The following RFX3 variants were observed in gnomAD, a reference collection of about 807,000 sequenced individuals.
RFX3 encodes regulatory factor X3, also known as transcription factor RFX3.
In RFX3, 14 loss-of-function variants were observed where a neutral mutation model predicts 98.6. The observed-to-expected ratio is 0.14, with a 90% confidence interval of 0.09 to 0.22. RFX3 has a LOEUF of 0.22. Ranked by LOEUF, RFX3 falls within the 10% of genes least tolerant of loss-of-function variation. RFX3 has a pLI of 1.00. For missense variants in RFX3, 639 were observed against 926.9 expected (o/e 0.69, Z 4.03); for synonymous variants, 383 against 328.4 (o/e 1.17, Z -1.80).
At chr9:3,276,086 C>T (rs573911695) in intron 8 of RFX3, among the ~76,000 whole-genome samples, 1 of 152,198 alleles carries the variant, frequency 6.6e-6, no homozygotes, top group South Asian at 2.1e-4. Context: ...AATTTAACAA[C>T]ATTAATTTGA....
rs866755737 is a variant in RFX3 at position 3,505,068 on chromosome 9, A to T, written c.-9+20679T>A. 8.3e-3 allele frequency among the ~76,000 whole-genome samples: 772 copies of T among 93,438 alleles called. 5 individuals carry two copies. The highest frequency in any genetic ancestry group is 0.029 in the Middle Eastern group (2 of 70). 61.3% of individuals were successfully genotyped at this position (93,438 alleles called of 152,430 possible). On this transcript the variant is annotated intron_variant, in intron 1 of 16. Transcript: ENST00000617270. ...TTATATTATATATAAAATATATAAT[A>T]AAATATAAAAATAAAATATTTTATA...
At chr9:3,404,603 C>G (rs1488252542) in intron 1 of RFX3, among the ~76,000 whole-genome samples, 1 of 151,944 alleles carries the variant, frequency 6.6e-6, no homozygotes, top group Non-Finnish European at 1.5e-5. Flanking sequence ...GTTGGTTATC[C>G]TAGGCTATCT....
At chr9:3,377,720 G>T (rs917802261) in intron 2 of RFX3, among the ~76,000 whole-genome samples, 1 of 152,098 alleles carries the variant, frequency 6.6e-6, no homozygotes, top group Admixed American at 6.6e-5. Flanking sequence ...GAGAGGAAAG[G>T]TACTAATAAC....
chr9:3,331,127 G>A (rs1226769487), intron 3 of RFX3, among the ~76,000 whole-genome samples: 1 of 152,074 alleles, frequency 6.6e-6, no homozygotes, highest in Non-Finnish European at 1.5e-5. Context: ...AACTCTTCAT[G>A]TCCTCACTTT....
At chr9:3,266,368 A>G (rs1252527012) in intron 11 of RFX3, 63 bp from the exon 12 acceptor site, 1 of 1,060,226 alleles carries the variant, frequency 9.4e-7, no homozygotes, top group Non-Finnish European at 1.4e-6. Flanking sequence ...TGTTTGTGCT[A>G]GAATAAAAGA....
chr9:3,287,613 G>A (rs182023789), intron 7 of RFX3, among the ~76,000 whole-genome samples: 7 of 151,900 alleles, frequency 4.6e-5, no homozygotes, highest in East Asian at 1.9e-4. Flanking sequence ...CCATCCATCC[G>A]TCCATACGTC....
chr9:3,291,478 A>T (rs965531275), intron 6 of RFX3, among the ~76,000 whole-genome samples: 1 of 152,098 alleles, frequency 6.6e-6, no homozygotes, highest in African/African-American at 2.4e-5. Flanking sequence ...ATTAGATCAT[A>T]CCCCTAGAAC....
intron 1 of RFX3, among the ~76,000 whole-genome samples, chr9:3,401,634 G>A (rs376238090): frequency 1.7e-4 from 26 of 152,318 alleles, no homozygotes; most frequent in African/African-American, 6.0e-4. Flanking sequence ...TAAATGAGTT[G>A]TATATTCTTA....
At chr9:3,413,764 T>C (rs16918156) in intron 1 of RFX3, among the ~76,000 whole-genome samples, 4,157 of 152,214 alleles carry the variant, frequency 0.027, 214 homozygotes, top group African/African-American at 0.095. Context: ...GCAGTTCTCT[T>C]GACAACTCTT....
At chr9:3,514,309 C>T (rs981014346) in intron 1 of RFX3, among the ~76,000 whole-genome samples, 3 of 152,136 alleles carry the variant, frequency 2.0e-5, no homozygotes, top group Non-Finnish European at 4.4e-5. Flanking sequence ...TCTACAACAC[C>T]AAGCAAAATG....
rs190113135 is a variant in RFX3, at chr9:3,486,678, C to T, written c.-9+39069G>A. On this transcript the variant is annotated intron_variant, in intron 1 of 16. Coordinates refer to ENST00000617270, the MANE Select transcript of RFX3 (RefSeq NM_001282116.2). ...TCACCAGCTTTTGAATATTAAACTCCGGATTCATGCTCATATCTAAAAGTA... is the reference window on the plus strand; with the variant it reads ...TCACCAGCTTTTGAATATTAAACTCTGGATTCATGCTCATATCTAAAAGTA... 4.2e-4 allele frequency among the ~76,000 whole-genome samples: 64 copies of T among 152,224 alleles called. No homozygotes were observed. The South Asian group carries it at 9.7e-3, about 23-fold the overall frequency.
intron 1 of RFX3, chr9:3,420,999 T>C (rs1181915133): frequency 1.5e-5 from 9 of 584,492 alleles, no homozygotes; most frequent in Non-Finnish European, 1.9e-5. Context: ...CTCTCAGAGA[T>C]AAATATTTCT....
chr9:3,470,753 G>A (rs1848707072), intron 1 of RFX3, among the ~76,000 whole-genome samples: 1 of 152,156 alleles, frequency 6.6e-6, no homozygotes, highest in African/African-American at 2.4e-5. Context: ...AATTGATGAT[G>A]CTGGTGAGAT....
At chr9:3,512,606 T>C (rs571370586) in intron 1 of RFX3, among the ~76,000 whole-genome samples, 2 of 152,040 alleles carry the variant, frequency 1.3e-5, no homozygotes, top group Admixed American at 1.3e-4. Context: ...CTTTTCTATA[T>C]ACAATGTCTA....
chr9:3,450,466 T>C (rs537563206), intron 1 of RFX3, among the ~76,000 whole-genome samples: 1 of 152,306 alleles, frequency 6.6e-6, no homozygotes, highest in South Asian at 2.1e-4. Flanking sequence ...ATTTGAAATG[T>C]TTAGTGATAC....
rs1304370289 is a variant in RFX3, at chr9:3,224,314, A to T, written c.*728T>A. 1.3e-5 allele frequency: 2 copies of T among 152,260 alleles called. No individual in the cohort carries two copies. Among genetic ancestry groups the T allele is most frequent in the Non-Finnish European group, 2.9e-5 (2 of 68,048 alleles). 9.4% of individuals were successfully genotyped at this position (152,260 alleles called of 1,614,324 possible). Reference sequence around the variant, plus strand: ...AGGAATTGGTATGCAAATAATAGTTAAAATTCAATGTTTAACGGAAGCTTG... The same window carrying T: ...AGGAATTGGTATGCAAATAATAGTTTAAATTCAATGTTTAACGGAAGCTTG... On this transcript the variant is annotated 3_prime_UTR_variant, in exon 17 of 17. Coordinates refer to ENST00000617270, the MANE Select transcript of RFX3 (RefSeq NM_001282116.2).
chr9:3,226,275 C>A (rs1817757550), intron 16 of RFX3, among the ~76,000 whole-genome samples: 1 of 152,136 alleles, frequency 6.6e-6, no homozygotes, highest in Non-Finnish European at 1.5e-5. Flanking sequence ...TCTTTGCAAG[C>A]AGTAAGATTT....
At chr9:3,507,368 T>C (rs1240930347) in intron 1 of RFX3, among the ~76,000 whole-genome samples, 2 of 151,912 alleles carry the variant, frequency 1.3e-5, no homozygotes, top group East Asian at 1.9e-4. Flanking sequence ...ATAATAGCAA[T>C]TGCCATTTAT....
chr9:3,476,025 CTT>C (rs1012690288), intron 1 of RFX3, among the ~76,000 whole-genome samples: 18 of 152,204 alleles, frequency 1.2e-4, no homozygotes, highest in African/African-American at 4.3e-4. Context: ...GGCTCACACT[CTT>C]GTCTTCTGGT....
Sources: gnomAD v4.1 joint callset for allele counts (sites outside exome capture counted in the v4.1 genomes callset) on GRCh38, gnomAD v4.1.1 for gene constraint, MANE v1.5 for transcripts, NCBI Gene and HGNC (gene_info 2026-07-23, HGNC 2026-07-21) for gene names.